STX7: variants seen among roughly 807,000 people sequenced by gnomAD.
The protein encoded by STX7 is syntaxin 7.
STX7 carries 34 observed loss-of-function variants against 39.6 expected under a neutral mutation model. The ratio of observed to expected loss-of-function variants is 0.86; its 90% CI spans 0.65 to 1.14. STX7 has a LOEUF of 1.14. Ranked by LOEUF, STX7 falls within the 50% of genes most tolerant of loss-of-function variation. STX7 has a pLI of 0.00. For missense variants in STX7, 284 were observed against 310.4 expected, an observed-to-expected ratio of 0.92 and a Z score of 0.64; for synonymous variants, 119 against 99.1, an observed-to-expected ratio of 1.20 and a Z score of -1.19.
intron 8 of STX7, among the ~76,000 whole-genome samples, chr6:132,465,360 T>G (rs1774538356): frequency 6.6e-6 from 1 of 151,820 alleles, no homozygotes; most frequent in Non-Finnish European, 1.5e-5. Flanking sequence ...ATCCTACCAC[T>G]TCTTCACTGT....
intron 2 of STX7, among the ~76,000 whole-genome samples, chr6:132,482,783 T>C (rs560037562): frequency 1.3e-5 from 2 of 152,200 alleles, no homozygotes; most frequent in Admixed American, 1.3e-4. Context: ...CTGAAAGTGA[T>C]CAAGGAAGAA....
chr6:132,465,425 G>A (rs2114360354), intron 8 of STX7, among the ~76,000 whole-genome samples: 1 of 152,198 alleles, frequency 6.6e-6, no homozygotes. Flanking sequence ...TAGAGTCCTT[G>A]GACAATCACT....
chr6:132,475,566 C>T (rs1169468951), intron 3 of STX7, 27 bp downstream of exon 3: 9 of 1,519,134 alleles, frequency 5.9e-6, no homozygotes, highest in Admixed American at 5.5e-5. Context: ...TTTTCTTTCT[C>T]TTTTATTTAT....
Position 132,446,675 on chromosome 6 carries a change from G to A in STX7, c.*14083C>T, listed in dbSNP as rs1774020758. The A allele has an allele frequency of 6.6e-6, 1 of 152,100 alleles. No individual in the cohort carries two copies. Among genetic ancestry groups the A allele is most frequent in the Non-Finnish European group, 1.5e-5 (1 of 68,014 alleles). The allele number at this position is 152,100 out of a possible 1,614,324, so 9.4% of individuals were successfully genotyped here. ...TCTCGAAGCTGTATCTTCCATCACA[G>A]TATTAAAATGTTTTTTATGAACATG... On this transcript the variant is annotated 3_prime_UTR_variant, in exon 10 of 10. Coordinates refer to ENST00000367941, the MANE Select transcript of STX7 (RefSeq NM_003569.3).
chr6:132,482,038 G>A (rs1441184596), intron 2 of STX7, among the ~76,000 whole-genome samples: 3 of 152,056 alleles, frequency 2.0e-5, no homozygotes, highest in Non-Finnish European at 4.4e-5. Flanking sequence ...ATTCATTTTG[G>A]TTTTTCCAGA....
At chr6:132,503,294 C>A in intron 2 of STX7, 152 bp downstream of exon 2, 1 of 546,924 alleles carries the variant, frequency 1.8e-6, no homozygotes, top group East Asian at 3.1e-5. Context: ...AATTCTCTTG[C>A]ATTCATTCTA....
chr6:132,486,828 G>A (rs6919457), intron 2 of STX7, among the ~76,000 whole-genome samples: 3,539 of 152,014 alleles, frequency 0.023, 125 homozygotes, highest in African/African-American at 0.08. Flanking sequence ...ACCATGCCCA[G>A]CTAATTTTTT....
chr6:132,487,931 TG>T (rs1391929968), intron 2 of STX7, among the ~76,000 whole-genome samples: 1 of 152,222 alleles, frequency 6.6e-6, no homozygotes, highest in Non-Finnish European at 1.5e-5. Flanking sequence ...TCCTTTGTTC[TG>T]CTGACTTTGC....
intron 2 of STX7, among the ~76,000 whole-genome samples, chr6:132,493,459 G>T (rs931022401): frequency 6.6e-6 from 1 of 152,134 alleles, no homozygotes; most frequent in East Asian, 1.9e-4. Flanking sequence ...TTCCTGTGCT[G>T]TTCTCATGAT....
At chr6:132,504,835 G>C (rs1278603318) in intron 1 of STX7, among the ~76,000 whole-genome samples, 1 of 152,206 alleles carries the variant, frequency 6.6e-6, no homozygotes, top group Non-Finnish European at 1.5e-5. Context: ...TTATGAAATA[G>C]AAACATAGGA....
chr6:132,471,762 T>G lies in STX7; in HGVS notation c.250-162A>C, dbSNP rs2275392. Among the ~76,000 whole-genome samples the G allele has an allele frequency of 7.9e-5, 12 of 152,360 alleles. No homozygotes were observed. In the East Asian group the frequency reaches 2.3e-3, roughly 29 times the overall value. On this transcript the variant is annotated intron_variant, in intron 4 of 9. Coordinates refer to ENST00000367941, the MANE Select transcript of STX7 (RefSeq NM_003569.3). Reference sequence around the variant, plus strand: ...AACATTCTGATAGTATGTCAAATACTGTGCATATTTAACTTGAGGCAAAAG... The same window carrying G: ...AACATTCTGATAGTATGTCAAATACGGTGCATATTTAACTTGAGGCAAAAG...
chr6:132,480,914 C>T (rs1775000797), intron 2 of STX7, among the ~76,000 whole-genome samples: 1 of 152,124 alleles, frequency 6.6e-6, no homozygotes, highest in Non-Finnish European at 1.5e-5. Flanking sequence ...CGTCTCCTTC[C>T]CTATTTCCTC....
At chr6:132,473,682 T>C (rs1774797441) in intron 3 of STX7, among the ~76,000 whole-genome samples, 1 of 152,084 alleles carries the variant, frequency 6.6e-6, no homozygotes, top group Non-Finnish European at 1.5e-5. Flanking sequence ...AAAAAGCTCA[T>C]ATTAATTGTG....
Position 132,456,552 on chromosome 6 carries a change from A to G in STX7, c.*4206T>C, listed in dbSNP as rs1774249021. 1 of 152,198 alleles carries G rather than the reference A, an allele frequency of 6.6e-6. No individual in the cohort carries two copies. The highest frequency in any genetic ancestry group is 1.5e-5 in the Non-Finnish European group (1 of 68,034). The allele number at this position is 152,198 out of a possible 1,614,324, so 9.4% of individuals were successfully genotyped here. On this transcript the variant is annotated 3_prime_UTR_variant, in exon 10 of 10. Transcript: ENST00000367941. ...CAACTACTACGGGAGGGAAGGAAGA[A>G]GGGAAGGAAGGAAGGAAACTGTGTT...
intron 2 of STX7, among the ~76,000 whole-genome samples, chr6:132,493,135 T>C (rs1399289180): frequency 6.6e-6 from 1 of 152,170 alleles, no homozygotes; most frequent in Non-Finnish European, 1.5e-5. Context: ...ATACTCAATA[T>C]CATTAATACG....
chr6:132,463,701 T>C (rs1319399821), intron 9 of STX7, among the ~76,000 whole-genome samples: 2 of 152,170 alleles, frequency 1.3e-5, no homozygotes, highest in African/African-American at 2.4e-5. Flanking sequence ...AATGTCACAA[T>C]GACATCAGAG....
Position 132,454,848 on chromosome 6 carries a change from G to A in STX7, c.*5910C>T, listed in dbSNP as rs993173355. On this transcript the variant is annotated 3_prime_UTR_variant, in exon 10 of 10. Coordinates refer to ENST00000367941, the MANE Select transcript of STX7 (RefSeq NM_003569.3). ...CTAACGTGAATGATATATAACTAAGGTTATCTTACTATTAGCAAATTTTGG... is the reference window on the plus strand; with the variant it reads ...CTAACGTGAATGATATATAACTAAGATTATCTTACTATTAGCAAATTTTGG... The A allele has an allele frequency of 3.3e-5, 5 of 152,092 alleles. No homozygotes were observed. Among genetic ancestry groups the A allele is most frequent in the Admixed American group, 2.6e-4 (4 of 15,266 alleles). 9.4% of individuals were successfully genotyped at this position (152,092 alleles called of 1,614,324 possible). A position where few individuals can be genotyped will look rare whatever the true frequency, so the allele number is the denominator to read the frequency against.
chr6:132,469,827 A>G, intron 7 of STX7, 124 bp downstream of exon 7: 1 of 672,374 alleles, frequency 1.5e-6, no homozygotes, highest in Non-Finnish European at 2.4e-6. Context: ...TGACAGAGGG[A>G]GACTGTCTCA....
intron 2 of STX7, among the ~76,000 whole-genome samples, chr6:132,476,308 A>G (rs1774872082): frequency 6.6e-6 from 1 of 152,204 alleles, no homozygotes; most frequent in Admixed American, 6.5e-5. Context: ...TGCAGCGAGA[A>G]AGCCACAATA....
Sources: gnomAD v4.1 joint callset for allele counts (sites outside exome capture counted in the v4.1 genomes callset) on GRCh38, gnomAD v4.1.1 for gene constraint, MANE v1.5 for transcripts, NCBI Gene and HGNC (gene_info 2026-07-23, HGNC 2026-07-21) for gene names.